LDLRAD4: variants seen among roughly 807,000 people sequenced by gnomAD.
The protein encoded by LDLRAD4 is low density lipoprotein receptor class A domain containing 4.
In LDLRAD4, 5 loss-of-function variants were observed where a neutral mutation model predicts 17.0. The observed-to-expected ratio is 0.29, with a 90% confidence interval of 0.15 to 0.62. The LOEUF (loss-of-function observed/expected upper bound fraction) is 0.62. Among genes scored for constraint, LDLRAD4 ranks in the 20% least tolerant of loss-of-function variants. The pLI, the probability that LDLRAD4 is intolerant of heterozygous loss-of-function variation, is 0.84. For synonymous variants in LDLRAD4, 168 were observed against 171.8 expected, an observed-to-expected ratio of 0.98 and a Z score of 0.17; for missense variants, 340 against 424.7, an observed-to-expected ratio of 0.80 and a Z score of 1.75.
rs1568213656 is a variant in LDLRAD4, at chr18:13,473,651, ATATATATATATATATATATATATATAT to A, written c.181+35268_181+35294del. Among the ~76,000 whole-genome samples the A allele has an allele frequency of 2.5e-4, 23 of 92,840 alleles. No individual in the cohort carries two copies. In the Admixed American group the frequency reaches 2.6e-3, roughly 11 times the overall value. The allele number at this position is 92,840 out of a possible 152,430, so 60.9% of individuals were successfully genotyped here. ...GATCCCATCTCATATATATATATAT[ATATATATATATATATATATATATATAT>A]AACGTTTACATTTTATATATATTTA... On this transcript the variant is annotated intron_variant, in intron 3 of 5. Coordinates refer to ENST00000359446, the Ensembl canonical transcript of LDLRAD4.
chr18:13,356,064 A>C (rs1185337125), intron 1 of LDLRAD4, among the ~76,000 whole-genome samples: 1 of 152,276 alleles, frequency 6.6e-6, no homozygotes, highest in African/African-American at 2.4e-5. Flanking sequence ...AGCGTAAGCA[A>C]GTGAGCGGGC....
intron 2 of LDLRAD4, among the ~76,000 whole-genome samples, chr18:13,395,643 G>A (rs1467228507): frequency 1.1e-5 from 1 of 88,408 alleles, no homozygotes; most frequent in African/African-American, 5.0e-5. Context: ...CGTTGGGTGG[G>A]GAGCTGGCGT....
intron 1 of LDLRAD4, among the ~76,000 whole-genome samples, chr18:13,379,520 C>T (rs986452959): frequency 6.6e-6 from 1 of 152,250 alleles, no homozygotes; most frequent in African/African-American, 2.4e-5. Flanking sequence ...ACACAAGGAT[C>T]TGGGCCCCAT....
At chr18:13,233,998 A>G (rs112720046) in intron 1 of LDLRAD4, among the ~76,000 whole-genome samples, 10 of 152,056 alleles carry the variant, frequency 6.6e-5, no homozygotes, top group African/African-American at 2.4e-4. Context: ...TTCTTTCGTC[A>G]CCTTTTCCCA....
At chr18:13,624,311 G>A (rs543754755) in intron 4 of LDLRAD4, among the ~76,000 whole-genome samples, 2 of 152,354 alleles carry the variant, frequency 1.3e-5, no homozygotes, top group South Asian at 2.1e-4. Context: ...CCAGCAGTAC[G>A]AGTTTGGGGT....
At chr18:13,411,129 G>C (rs1426186670) in intron 2 of LDLRAD4, among the ~76,000 whole-genome samples, 2 of 152,066 alleles carry the variant, frequency 1.3e-5, no homozygotes, top group Non-Finnish European at 2.9e-5. Flanking sequence ...GCATGCACCT[G>C]TATTCCCAGC....
intron 1 of LDLRAD4, among the ~76,000 whole-genome samples, chr18:13,254,863 G>A (rs572009052): frequency 7.9e-5 from 12 of 152,278 alleles, no homozygotes; most frequent in Non-Finnish European, 1.3e-4. Flanking sequence ...ACTTAGGAGC[G>A]TGAGGCATGA....
chr18:13,432,757 C>T (rs1310324135), intron 2 of LDLRAD4, among the ~76,000 whole-genome samples: 1 of 152,218 alleles, frequency 6.6e-6, no homozygotes, highest in Non-Finnish European at 1.5e-5. Flanking sequence ...GGCTCTGTTG[C>T]CCAGGCTGGA....
rs886525958 is a variant in LDLRAD4, at chr18:13,325,846, G to A, written c.-383+47658G>A. On this transcript the variant is annotated intron_variant, in intron 1 of 5. Transcript: ENST00000359446. ...CGGCTCATTGCAAGCTCCCCCTCCC[G>A]GGTTCACGCCATTCTCCTGCCTCAG... Among the ~76,000 whole-genome samples, 5 of 151,682 alleles carry A rather than the reference G, an allele frequency of 3.3e-5. No homozygotes were observed. In the East Asian group the frequency reaches 7.7e-4, roughly 23 times the overall value.
intron 1 of LDLRAD4, among the ~76,000 whole-genome samples, chr18:13,247,948 G>GT (rs2043038220): frequency 6.8e-5 from 2 of 29,256 alleles, no homozygotes; most frequent in Admixed American, 4.7e-4. Flanking sequence ...TGCACACAGC[G>GT]CCGCCCCCCG....
chr18:13,507,261 C>T (rs2093708966), intron 3 of LDLRAD4, among the ~76,000 whole-genome samples: 1 of 152,062 alleles, frequency 6.6e-6, no homozygotes, highest in Non-Finnish European at 1.5e-5. Flanking sequence ...TTTGGGTGCA[C>T]CCATCACCCG....
intron 1 of LDLRAD4, among the ~76,000 whole-genome samples, chr18:13,319,004 C>G (rs2081079884): frequency 6.6e-6 from 1 of 152,200 alleles, no homozygotes; most frequent in Non-Finnish European, 1.5e-5. Context: ...GCTCAGCACT[C>G]ACAGTAACTG....
At chr18:13,252,374 C>T (rs1484368916) in intron 1 of LDLRAD4, among the ~76,000 whole-genome samples, 1 of 152,294 alleles carries the variant, frequency 6.6e-6, no homozygotes, top group Admixed American at 6.5e-5. Context: ...GGTGATCCAC[C>T]CACCTCGTCC....
chr18:13,645,897 T>G lies in LDLRAD4; in HGVS notation c.*240T>G. The stretch of plus-strand genomic sequence containing the variant: ...GTTTATTTGGGGACAGGGGTTGGGA[T>G]GGGGGTGTGGGCAGGGGAAAACAGA... On this transcript the variant is annotated 3_prime_UTR_variant, in exon 6 of 6. Transcript: ENST00000359446. This position sits in a 1 kb window ranked among gnomAD's most constrained non-coding sequence, Gnocchi z 5.7. 1 of 369,658 alleles carries G rather than the reference T, an allele frequency of 2.7e-6. No homozygotes were observed. The highest frequency in any genetic ancestry group is 4.8e-6 in the Non-Finnish European group (1 of 209,276). 22.9% of individuals were successfully genotyped at this position (369,658 alleles called of 1,614,324 possible).
intron 1 of LDLRAD4, among the ~76,000 whole-genome samples, chr18:13,318,046 G>C (rs920221825): frequency 5.9e-5 from 9 of 152,098 alleles, no homozygotes; most frequent in African/African-American, 2.2e-4. Context: ...CCGTGTGGTT[G>C]AGTATACATC....
At chr18:13,256,600 G>T (rs888562596) in intron 1 of LDLRAD4, among the ~76,000 whole-genome samples, 1 of 152,256 alleles carries the variant, frequency 6.6e-6, no homozygotes, top group Non-Finnish European at 1.5e-5. Context: ...ATGCCAGCAG[G>T]TGTGTAGGAC....
chr18:13,229,161 C>T (rs116999564), intron 1 of LDLRAD4, among the ~76,000 whole-genome samples: 8 of 152,332 alleles, frequency 5.3e-5, no homozygotes, highest in East Asian at 3.9e-4. Context: ...TCAGCTGCCA[C>T]GGGGTGACTG....
chr18:13,643,344 C>CT lies in LDLRAD4; in HGVS notation c.337-13dup. On this transcript the variant is annotated splice_polypyrimidine_tract_variant and intron_variant, in intron 4 of 5. Transcript: ENST00000359446. Reference sequence around the variant, plus strand: ...TTCTTGTTCCCCCCACTCTCCTCCCCTTCCCCTCCGCCAGGAAGGGTGCCT... The same window carrying CT: ...TTCTTGTTCCCCCCACTCTCCTCCCCTTTCCCCTCCGCCAGGAAGGGTGCCT... 6.8e-7 allele frequency: 1 copy of CT among 1,472,814 alleles called. No homozygotes were observed. Among genetic ancestry groups the CT allele is most frequent in the Non-Finnish European group, 9.0e-7 (1 of 1,105,314 alleles). The allele number at this position is 1,472,814 out of a possible 1,614,324, so 91.2% of individuals were successfully genotyped here.
chr18:13,639,266 G>C (rs1011540616), intron 4 of LDLRAD4, among the ~76,000 whole-genome samples: 2 of 152,154 alleles, frequency 1.3e-5, no homozygotes, highest in African/African-American at 4.8e-5. Context: ...CCTTCTCCCT[G>C]AAAATGTTCT....
Sources: allele counts gnomAD v4.1 joint callset (sites outside exome capture counted in the v4.1 genomes callset), GRCh38; gene constraint gnomAD v4.1.1; non-coding constraint Gnocchi (gnomAD v3.1); transcripts MANE v1.5; gene names NCBI Gene and HGNC (gene_info 2026-07-23, HGNC 2026-07-21).